ATP2A2: variants seen among roughly 807,000 people sequenced by gnomAD.
ATP2A2 encodes the protein ATPase sarcoplasmic/endoplasmic reticulum Ca2+ transporting 2.
ATP2A2 carries 14 observed loss-of-function variants against 109.3 expected under a neutral mutation model. The observed-to-expected ratio is 0.13, with a 90% confidence interval of 0.08 to 0.20. ATP2A2 has a LOEUF of 0.20. ATP2A2 is among the 10% of genes least tolerant of loss of function. The pLI, the probability that ATP2A2 is intolerant of heterozygous loss-of-function variation, is 1.00. For synonymous variants in ATP2A2, 506 were observed against 490.9 expected (o/e 1.03, Z -0.41); for missense variants, 657 against 1,321.6 (o/e 0.50, Z 7.80).
At chr12:110,323,910 T>G (rs1485069879) in intron 6 of ATP2A2, among the ~76,000 whole-genome samples, 1 of 152,234 alleles carries the variant, frequency 6.6e-6, no homozygotes, top group Non-Finnish European at 1.5e-5. Context: ...AAAAATAGAC[T>G]CCAGTGCTGT....
chr12:110,293,554 C>G (rs1443452724), intron 4 of ATP2A2, among the ~76,000 whole-genome samples: 1 of 151,384 alleles, frequency 6.6e-6, no homozygotes, highest in Non-Finnish European at 1.5e-5. Context: ...GCCACCATGC[C>G]CAGCTAACTT....
chr12:110,310,072 C>G (rs1423746371), intron 5 of ATP2A2, among the ~76,000 whole-genome samples: 2 of 151,944 alleles, frequency 1.3e-5, no homozygotes, highest in African/African-American at 2.4e-5. Context: ...TGTTTTTAAG[C>G]TTTCTGTATT....
At position 110,347,735 on chromosome 12, in the gene ATP2A2, T is replaced by C. The variant is rs1880016661; in HGVS notation, c.*1265T>C. On this transcript the variant is annotated 3_prime_UTR_variant, in exon 20 of 20. Transcript: ENST00000539276. ...AGTCTCACCAACAGTGTGTAAGTCA[T>C]TAACAGTCCTAACTGTGGTGTTTTC... The C allele has an allele frequency of 8.8e-7, 1 of 1,132,236 alleles. No homozygotes were observed. Among genetic ancestry groups the C allele is most frequent in the Non-Finnish European group, 1.1e-6 (1 of 913,002 alleles). 70.1% of individuals were successfully genotyped at this position (1,132,236 alleles called of 1,614,324 possible).
rs1305183172 is a variant in ATP2A2, at chr12:110,342,086, T to G, written c.2098-142T>G. The G allele has an allele frequency of 7.3e-6, 7 of 955,002 alleles. No individual in the cohort carries two copies. The highest frequency in any genetic ancestry group is 5.2e-5 in the East Asian group (2 of 38,734). 59.2% of individuals were successfully genotyped at this position (955,002 alleles called of 1,614,324 possible). A position where few individuals can be genotyped will look rare whatever the true frequency, so the allele number is the denominator to read the frequency against. ...AAATGTGTTTTGTGACACCAACTTA[T>G]GAAACAAAAATTCTAAAACTCTTTG... is the stretch of plus-strand genomic sequence containing the variant. On this transcript the variant is annotated intron_variant, in intron 14 of 19. Coordinates refer to ENST00000539276, the MANE Select transcript of ATP2A2 (RefSeq NM_170665.4). This position sits in a 1 kb window ranked among gnomAD's most constrained non-coding sequence, Gnocchi z 4.6.
At chr12:110,316,614 C>T (rs1370855358) in intron 5 of ATP2A2, among the ~76,000 whole-genome samples, 3 of 152,162 alleles carry the variant, frequency 2.0e-5, no homozygotes, top group African/African-American at 7.2e-5. Context: ...GCTAGGAAAT[C>T]AGTGATGTCT....
intron 5 of ATP2A2, among the ~76,000 whole-genome samples, chr12:110,300,111 C>G (rs1375319260): frequency 7.0e-6 from 1 of 143,550 alleles, no homozygotes; most frequent in Non-Finnish European, 1.5e-5. Flanking sequence ...TCCTTCCTCC[C>G]CCTTTCCCTC....
At position 110,281,516 on chromosome 12, in the gene ATP2A2, G is replaced by A. The variant is rs558822961; in HGVS notation, c.-274G>A. ...GCCCTCCCGGCGGGCGGCTGAGGGC[G>A]AGGGAGGCCCTCCCTTCTGGCGAGG... On this transcript the variant is annotated 5_prime_UTR_variant, in exon 1 of 20. Transcript: ENST00000539276. 2 of 202,356 alleles carry A rather than the reference G, an allele frequency of 9.9e-6. No individual in the cohort carries two copies. Among genetic ancestry groups the A allele is most frequent in the African/African-American group, 2.3e-5 (1 of 42,680 alleles). 12.5% of individuals were successfully genotyped at this position (202,356 alleles called of 1,614,324 possible).
chr12:110,312,786 G>A (rs143861718), intron 5 of ATP2A2, among the ~76,000 whole-genome samples: 102 of 150,474 alleles, frequency 6.8e-4, no homozygotes, highest in African/African-American at 2.4e-3. Flanking sequence ...GGAGATGGAA[G>A]CTGCAATGAG....
chr12:110,349,145 G>A lies in ATP2A2; in HGVS notation c.*2675G>A, dbSNP rs1025940037. ...TTAGGCCCACTGCTGTTTTGAGCAGGGCCACTTGCTCCATTTCACTGAAGG... is the reference window on the plus strand; with the variant it reads ...TTAGGCCCACTGCTGTTTTGAGCAGAGCCACTTGCTCCATTTCACTGAAGG... On this transcript the variant is annotated 3_prime_UTR_variant, in exon 20 of 20. Coordinates refer to ENST00000539276, the MANE Select transcript of ATP2A2 (RefSeq NM_170665.4). 5 of 985,332 alleles carry A rather than the reference G, an allele frequency of 5.1e-6. No individual in the cohort carries two copies. Among genetic ancestry groups the A allele is most frequent in the Non-Finnish European group, 6.0e-6 (5 of 829,992 alleles). 61.0% of individuals were successfully genotyped at this position (985,332 alleles called of 1,614,324 possible). A position where few individuals can be genotyped will look rare whatever the true frequency, so the allele number is the denominator to read the frequency against.
chr12:110,332,747 T>A, intron 9 of ATP2A2, 62 bp downstream of exon 9: 1 of 1,379,466 alleles, frequency 7.2e-7, no homozygotes, highest in Non-Finnish European at 1.0e-6. Flanking sequence ...TGTATTGATT[T>A]GCAGCATGTC....
At chr12:110,281,025 C>T (rs1336128221), upstream of ATP2A2, 7 of 151,794 alleles carry the variant, frequency 4.6e-5, no homozygotes, top group Non-Finnish European at 1.0e-4. Context: ...TCCGCCAGCC[C>T]CGCGACCGCG....
chr12:110,288,039 A>G (rs1872843912), intron 3 of ATP2A2, among the ~76,000 whole-genome samples: 1 of 150,884 alleles, frequency 6.6e-6, no homozygotes. Flanking sequence ...ACCTGGGCTG[A>G]AGCCTGATTC....
At chr12:110,306,397 A>T (rs922831985) in intron 5 of ATP2A2, among the ~76,000 whole-genome samples, 1 of 152,146 alleles carries the variant, frequency 6.6e-6, no homozygotes, top group African/African-American at 2.4e-5. Context: ...CAGGTTTGTT[A>T]TGTGGATTTA....
chr12:110,284,465 T>C (rs1872470840), intron 3 of ATP2A2, among the ~76,000 whole-genome samples: 1 of 152,234 alleles, frequency 6.6e-6, no homozygotes, highest in Non-Finnish European at 1.5e-5. Context: ...TGGGAAACCA[T>C]GCCACTGGTG....
intron 3 of ATP2A2, among the ~76,000 whole-genome samples, chr12:110,290,695 C>A (rs547309192): frequency 6.6e-6 from 1 of 152,152 alleles, no homozygotes; most frequent in African/African-American, 2.4e-5. Context: ...ACCTTTGCCT[C>A]CCAGGTTCAA....
At chr12:110,299,151 T>G (rs1193939732) in intron 5 of ATP2A2, among the ~76,000 whole-genome samples, 2 of 152,052 alleles carry the variant, frequency 1.3e-5, no homozygotes, top group African/African-American at 4.8e-5. Flanking sequence ...TTTGTATTTT[T>G]TTGTAGAGAT....
At chr12:110,283,088 T>G (rs1455478650) in intron 3 of ATP2A2, among the ~76,000 whole-genome samples, 1 of 152,256 alleles carries the variant, frequency 6.6e-6, no homozygotes, top group Non-Finnish European at 1.5e-5. Flanking sequence ...AAAGTTCTTT[T>G]CTGGGAAGCC....
intron 14 of ATP2A2, among the ~76,000 whole-genome samples, chr12:110,341,317 A>G (rs1427004859): frequency 6.6e-6 from 1 of 152,036 alleles, no homozygotes. Context: ...AGTTGTTTGG[A>G]TCACCCTGCT....
At chr12:110,303,111 G>GT (rs1874859832) in intron 5 of ATP2A2, among the ~76,000 whole-genome samples, 1 of 152,174 alleles carries the variant, frequency 6.6e-6, no homozygotes, top group Non-Finnish European at 1.5e-5. Context: ...TAACGTTATC[G>GT]TAAGTTCTCT....
Sources: gnomAD v4.1 joint callset for allele counts (sites outside exome capture counted in the v4.1 genomes callset) on GRCh38, gnomAD v4.1.1 for gene constraint, Gnocchi (gnomAD v3.1) non-coding constraint, MANE v1.5 for transcripts, NCBI Gene and HGNC (gene_info 2026-07-23, HGNC 2026-07-21) for gene names.